ZNF714: variants seen among roughly 807,000 people sequenced by gnomAD.
ZNF714 encodes the protein zinc finger protein 714.
A neutral mutation model predicts 46.2 loss-of-function variants in ZNF714; 32 were observed. That is an observed-to-expected ratio of 0.69 (90% CI 0.52 to 0.93). The LOEUF (loss-of-function observed/expected upper bound fraction) is 0.93, where lower values mean the gene tolerates loss of function less well. ZNF714 is among the 40% of genes least tolerant of loss of function. ZNF714 has a pLI of 0.00. For synonymous variants in ZNF714, 199 were observed against 213.1 expected, an observed-to-expected ratio of 0.93 and a Z score of 0.58; for missense variants, 635 against 646.3, an observed-to-expected ratio of 0.98 and a Z score of 0.19.
At chr19:21,094,812 C>A (rs371310847) in intron 2 of ZNF714, among the ~76,000 whole-genome samples, 2 of 152,166 alleles carry the variant, frequency 1.3e-5, no homozygotes, top group Non-Finnish European at 2.9e-5. Context: ...CCGCACCCAG[C>A]CTGTTACTTT....
rs189522848 is a variant in ZNF714 at position 21,096,164 on chromosome 19, C to T, written c.-84-2021C>T. Among the ~76,000 whole-genome samples, 115 of 152,170 alleles carry T rather than the reference C, an allele frequency of 7.6e-4. 3 individuals carry two copies. The South Asian group carries it at 0.021, about 28-fold the overall frequency. The stretch of plus-strand genomic sequence containing the variant: ...TGTGGCAGGGGAGGGCACCTGTGGA[C>T]GGTAAAAGAGGAACATATATTTTTA... On this transcript the variant is annotated intron_variant, in intron 2 of 4. Transcript: ENST00000456283.
chr19:21,090,544 C>T (rs945167255), intron 2 of ZNF714, among the ~76,000 whole-genome samples: 2 of 152,096 alleles, frequency 1.3e-5, no homozygotes, highest in Non-Finnish European at 2.9e-5. Flanking sequence ...GAGGTTTACC[C>T]AGGTATATGC....
chr19:21,089,843 T>C (rs10417213), intron 2 of ZNF714, among the ~76,000 whole-genome samples: 67,458 of 107,394 alleles, frequency 0.63, 26,049 homozygotes, highest in Middle Eastern at 0.89. Context: ...TAATTTTTTT[T>C]ACCATTCATT....
chr19:21,083,151 T>C (rs73020636), intron 1 of ZNF714, among the ~76,000 whole-genome samples: 11,549 of 152,036 alleles, frequency 0.076, 504 homozygotes, highest in Non-Finnish European at 0.086. Context: ...GATCCAATGC[T>C]TCAGCCTCCC....
Position 21,123,506 on chromosome 19 carries a change from T to C in ZNF714, c.*5174T>C, listed in dbSNP as rs996808910. Among the ~76,000 whole-genome samples, 6 of 151,926 alleles carry C rather than the reference T, an allele frequency of 3.9e-5. No homozygotes were observed. Among genetic ancestry groups the C allele is most frequent in the African/African-American group, 1.2e-4 (5 of 41,372 alleles). The stretch of plus-strand genomic sequence containing the variant: ...AGTAGCTGGGACTACAGGCGCCCGC[T>C]ACCGCACCCGTCTAATTTTTTTGTA... On this transcript the variant is annotated 3_prime_UTR_variant, in exon 5 of 5. Coordinates refer to ENST00000456283, the MANE Select transcript of ZNF714 (RefSeq NM_182515.4).
chr19:21,117,788 G>T lies in ZNF714; in HGVS notation c.1124G>T (p.Gly375Val), dbSNP rs754098056. ...AAACCCTACAAATGTGAAGAATGTG[G>T]CAAAGCCTTTAACCACTCCTCAAAA... Reference protein sequence around the residue: ...GEKPYKCEECGKAFNHSSKLT... With the variant: ...GEKPYKCEECVKAFNHSSKLT... The change falls in exon 5 of 5, where the codon GGC (glycine) becomes GTC (valine). Residue 375 changes from glycine (G) to valine (V), a missense_variant. Physicochemically the swap from Gly to Val is moderately radical, Grantham distance 109. Coordinates refer to ENST00000456283, the MANE Select transcript of ZNF714 (RefSeq NM_182515.4). 6.2e-7 allele frequency: 1 copy of T among 1,612,442 alleles called. No individual in the cohort carries two copies. The highest frequency in any genetic ancestry group is 2.2e-5 in the East Asian group (1 of 44,832).
chr19:21,098,170 G>C lies in ZNF714; in HGVS notation c.-84-15G>C, dbSNP rs565467942. On this transcript the variant is annotated splice_polypyrimidine_tract_variant and intron_variant, in intron 2 of 4. Coordinates refer to ENST00000456283, the MANE Select transcript of ZNF714 (RefSeq NM_182515.4). ...TTGGTAAATATACGTGTGTCTGTGC[G>C]TATGTGTTTTTCAGGAGACGTTGAC... 3 of 1,603,790 alleles carry C rather than the reference G, an allele frequency of 1.9e-6. No individual in the cohort carries two copies. The highest frequency in any genetic ancestry group is 2.5e-6 in the Non-Finnish European group (3 of 1,177,562).
At chr19:21,096,470 A>G (rs139001424) in intron 2 of ZNF714, among the ~76,000 whole-genome samples, 2,028 of 152,288 alleles carry the variant, frequency 0.013, 31 homozygotes, top group Middle Eastern at 0.027. Context: ...CTGGAGTGCC[A>G]TGAGTTTAGT....
chr19:21,096,787 G>A (rs186278349), intron 2 of ZNF714, among the ~76,000 whole-genome samples: 53 of 152,232 alleles, frequency 3.5e-4, no homozygotes, highest in Admixed American at 1.1e-3. Context: ...TTGAGGTGTC[G>A]CTTGTGTTCT....
intron 4 of ZNF714, among the ~76,000 whole-genome samples, chr19:21,099,294 C>T (rs576905672): frequency 6.6e-6 from 1 of 152,200 alleles, no homozygotes; most frequent in South Asian, 2.1e-4. Flanking sequence ...TTTCCTGCCT[C>T]AGTCTCCTGG....
chr19:21,097,355 G>A (rs1473354659), intron 2 of ZNF714, among the ~76,000 whole-genome samples: 1 of 152,138 alleles, frequency 6.6e-6, no homozygotes, highest in Non-Finnish European at 1.5e-5. Flanking sequence ...TTGACTTTTT[G>A]AGGGGCAATA....
intron 4 of ZNF714, among the ~76,000 whole-genome samples, chr19:21,105,310 C>T (rs1039211406): frequency 9.9e-5 from 15 of 151,602 alleles, no homozygotes; most frequent in Non-Finnish European, 2.1e-4. Context: ...CGTGAGCCAC[C>T]GGGCCTGGCC....
chr19:21,118,450 TCAA>T lies in ZNF714; in HGVS notation c.*119_*121del. ...CTGGGCCACAAGGCAAGACTCTGTC[TCAA>T]AAAAAAAAAAAAAAAGAAAAGAAAA... is the stretch of plus-strand genomic sequence containing the variant. On this transcript the variant is annotated 3_prime_UTR_variant, in exon 5 of 5. Coordinates refer to ENST00000456283, the MANE Select transcript of ZNF714 (RefSeq NM_182515.4). 7 of 159,800 alleles carry T rather than the reference TCAA, an allele frequency of 4.4e-5. No homozygotes were observed. The highest frequency in any genetic ancestry group is 1.4e-4 in the South Asian group (1 of 7,120). The allele number at this position is 159,800 out of a possible 1,614,324, so 9.9% of individuals were successfully genotyped here. A position where few individuals can be genotyped will look rare whatever the true frequency, so the allele number is the denominator to read the frequency against.
intron 2 of ZNF714, among the ~76,000 whole-genome samples, chr19:21,097,324 A>G (rs756823562): frequency 1.3e-5 from 2 of 152,146 alleles, no homozygotes; most frequent in Non-Finnish European, 2.9e-5. Flanking sequence ...TTTTTTCTTT[A>G]TGGTTAAATT....
Position 21,117,469 on chromosome 19 carries a change from CCTTCA to C in ZNF714, c.806_810del (p.Pro269ArgfsTer6). On this transcript the variant is annotated frameshift_variant, in exon 5 of 5. Transcript: ENST00000456283. LOFTEE classifies it high-confidence loss of function. ...AGAATGTGGTAAAGCTTTTAACCAC[CCTTCA>C]GCCCTTACTACACATAAGTTCATTC... 6.2e-7 allele frequency: 1 copy of C among 1,605,840 alleles called. No individual in the cohort carries two copies. Among genetic ancestry groups the C allele is most frequent in the African/African-American group, 1.4e-5 (1 of 73,544 alleles).
rs1968719190 is a variant in ZNF714, at chr19:21,084,049, G to T, written c.-105G>T. On this transcript the variant is annotated 5_prime_UTR_variant, in exon 2 of 5. An upstream open reading frame in the 5' UTR loses its in-frame stop. Transcript: ENST00000456283. ...CCCTGGGGCAGAGAGGAAGCTTCTA[G>T]TGTACTCTTACTTTGAAAAGGTAAT... 8.3e-7 allele frequency: 1 copy of T among 1,199,026 alleles called. No homozygotes were observed. Among genetic ancestry groups the T allele is most frequent in the African/African-American group, 1.7e-5 (1 of 60,444 alleles). 74.3% of individuals were successfully genotyped at this position (1,199,026 alleles called of 1,614,324 possible). A position where few individuals can be genotyped will look rare whatever the true frequency, so the allele number is the denominator to read the frequency against.
chr19:21,113,379 T>C (rs1287498858), intron 4 of ZNF714: 1 of 152,156 alleles, frequency 6.6e-6, no homozygotes, highest in African/African-American at 2.4e-5. Context: ...TTTGTTTGTT[T>C]GTTTGAGACA....
At chr19:21,089,796 T>C (rs74999014) in intron 2 of ZNF714, among the ~76,000 whole-genome samples, 92,236 of 137,400 alleles carry the variant, frequency 0.67, 35,574 homozygotes, top group Middle Eastern at 0.87. Flanking sequence ...CAAATGCATC[T>C]CCAAATTAAT....
At position 21,120,427 on chromosome 19, in the gene ZNF714, A is replaced by G. The variant is rs1048462360; in HGVS notation, c.*2095A>G. 1 of 152,312 alleles carries G rather than the reference A, an allele frequency of 6.6e-6. No homozygotes were observed. Among genetic ancestry groups the G allele is most frequent in the African/African-American group, 2.4e-5 (1 of 41,456 alleles). The allele number at this position is 152,312 out of a possible 1,614,324, so 9.4% of individuals were successfully genotyped here. The stretch of plus-strand genomic sequence containing the variant: ...ATTAGAATGTAAGATGCATAATGAA[A>G]ATGTAAGTGGAGAGGTTCTTTGGGG... On this transcript the variant is annotated 3_prime_UTR_variant, in exon 5 of 5. Coordinates refer to ENST00000456283, the MANE Select transcript of ZNF714 (RefSeq NM_182515.4).
Sources: gnomAD v4.1 joint callset for allele counts (sites outside exome capture counted in the v4.1 genomes callset) on GRCh38, gnomAD v4.1.1 for gene constraint, MANE v1.5 for transcripts, NCBI Gene and HGNC (gene_info 2026-07-23, HGNC 2026-07-21) for gene names.